ADCK1: variants seen among roughly 807,000 people sequenced by gnomAD.
ADCK1 encodes aarF domain-containing protein kinase 1.
A neutral mutation model predicts 52.3 loss-of-function variants in ADCK1; 41 were observed. That is an observed-to-expected ratio of 0.78 (90% CI 0.61 to 1.02). The LOEUF is 1.02. ADCK1 is among the 50% of genes least tolerant of loss of function. The pLI, the probability that ADCK1 is intolerant of heterozygous loss-of-function variation, is 0.00. For synonymous variants in ADCK1, 250 were observed against 274.6 expected, an observed-to-expected ratio of 0.91 and a Z score of 0.89; for missense variants, 658 against 679.5, an observed-to-expected ratio of 0.97 and a Z score of 0.35.
Position 77,907,937 on chromosome 14 carries a change from G to C in ADCK1, c.858+18G>C. The C allele has an allele frequency of 6.2e-7, 1 of 1,608,126 alleles. No homozygotes were observed. Among genetic ancestry groups the C allele is most frequent in the Non-Finnish European group, 8.5e-7 (1 of 1,175,036 alleles). On this transcript the variant is annotated intron_variant, in intron 7 of 10. Coordinates refer to ENST00000238561, the MANE Select transcript of ADCK1 (RefSeq NM_020421.4). Reference sequence around the variant, plus strand: ...TCAATGAGGTGAGGTCAAGAGCTCAGGGCTGCTGTGCCGGGGAACGTGGGC... The same window carrying C: ...TCAATGAGGTGAGGTCAAGAGCTCACGGCTGCTGTGCCGGGGAACGTGGGC...
chr14:77,857,940 A>G (rs1181269708), intron 3 of ADCK1, among the ~76,000 whole-genome samples: 2 of 152,182 alleles, frequency 1.3e-5, no homozygotes, highest in Non-Finnish European at 2.9e-5. Context: ...TTTAGCTCCT[A>G]GAAGGTAGGA....
intron 1 of ADCK1, among the ~76,000 whole-genome samples, chr14:77,817,909 G>GTA (rs1555347108): frequency 6.7e-6 from 1 of 148,600 alleles, no homozygotes; most frequent in African/African-American, 2.5e-5. Context: ...CTAATTTTTT[G>GTA]TTTTTTTTTT....
At chr14:77,919,289 C>T (rs2083995393) in intron 7 of ADCK1, among the ~76,000 whole-genome samples, 1 of 152,222 alleles carries the variant, frequency 6.6e-6, no homozygotes, top group Admixed American at 6.5e-5. Flanking sequence ...TATGCCTTTG[C>T]CTTTGTGTCC....
intron 3 of ADCK1, among the ~76,000 whole-genome samples, chr14:77,852,690 T>A (rs187967708): frequency 0.13 from 15,740 of 120,598 alleles, 1,606 homozygotes; most frequent in Middle Eastern, 0.2. Flanking sequence ...TATATATATA[T>A]ATATATATAT....
intron 3 of ADCK1, among the ~76,000 whole-genome samples, chr14:77,831,892 G>T (rs2081859630): frequency 6.6e-6 from 1 of 152,158 alleles, no homozygotes; most frequent in Non-Finnish European, 1.5e-5. Flanking sequence ...CTATTCCACT[G>T]CACTTGAGAA....
At chr14:77,862,018 G>C (rs528998353) in intron 4 of ADCK1, among the ~76,000 whole-genome samples, 4 of 152,318 alleles carry the variant, frequency 2.6e-5, no homozygotes, top group Admixed American at 2.6e-4. Context: ...AGGGAGGGCT[G>C]GTGACAAGCA....
At chr14:77,811,441 A>G (rs2081336604) in intron 1 of ADCK1, among the ~76,000 whole-genome samples, 1 of 152,164 alleles carries the variant, frequency 6.6e-6, no homozygotes, top group Non-Finnish European at 1.5e-5. Flanking sequence ...ATAAGTGGCC[A>G]TGCCAGGACT....
rs2081731350 is a variant in ADCK1, at chr14:77,827,231, A to G, written c.219+4713A>G. On this transcript the variant is annotated intron_variant, in intron 3 of 10. Transcript: ENST00000238561. Reference sequence around the variant, plus strand: ...GCTGGGCGTGGTGGTGGGCGCCTGTAGTCCCAGCTACTCGGGAGGCTGAGG... The same window carrying G: ...GCTGGGCGTGGTGGTGGGCGCCTGTGGTCCCAGCTACTCGGGAGGCTGAGG... 2.6e-5 allele frequency among the ~76,000 whole-genome samples: 4 copies of G among 151,344 alleles called. No individual in the cohort carries two copies. In the South Asian group the frequency reaches 8.4e-4, roughly 32 times the overall value.
intron 6 of ADCK1, 37 bp from the exon 7 acceptor site, chr14:77,907,766 T>C: frequency 1.3e-6 from 2 of 1,532,490 alleles, no homozygotes; most frequent in Non-Finnish European, 1.8e-6. Flanking sequence ...GATTCCCAGC[T>C]TCCCCAGACC....
Position 77,822,477 on chromosome 14 carries a change from G to A in ADCK1, c.178G>A (p.Val60Ile), listed in dbSNP as rs775567538. The change falls in exon 3 of 11, where the codon GTC becomes ATC. Residue 60 changes from valine (V) to isoleucine (I), a missense_variant. Coordinates refer to ENST00000238561, the MANE Select transcript of ADCK1 (RefSeq NM_020421.4). ...CGACTACCTCACTTCCCTGAAGAGT[G>A]TCCCTTATGGCTCAGAGGAGTACTT... ...SYDYLTSLKS[V>I]PYGSEEYLQL... 6 of 1,614,176 alleles carry A rather than the reference G, an allele frequency of 3.7e-6. No homozygotes were observed. The highest frequency in any genetic ancestry group is 3.3e-5 in the Admixed American group (2 of 60,012).
chr14:77,801,864 C>T (rs1385192412), intron 1 of ADCK1, among the ~76,000 whole-genome samples: 1 of 152,086 alleles, frequency 6.6e-6, no homozygotes, highest in African/African-American at 2.4e-5. Context: ...CAGCTTGAAC[C>T]CGGGAGACGG....
At chr14:77,863,183 G>C (rs2082588338) in intron 4 of ADCK1, among the ~76,000 whole-genome samples, 4 of 152,166 alleles carry the variant, frequency 2.6e-5, no homozygotes, top group Admixed American at 2.6e-4. Context: ...TGAGGGAGAG[G>C]AGGACTTGGG....
chr14:77,915,721 G>A (rs2083909239), intron 7 of ADCK1, among the ~76,000 whole-genome samples: 1 of 152,220 alleles, frequency 6.6e-6, no homozygotes, highest in Non-Finnish European at 1.5e-5. Flanking sequence ...TGTATGAGAT[G>A]AGTTCCTGGA....
At chr14:77,890,319 G>C (rs1288351388) in intron 5 of ADCK1, among the ~76,000 whole-genome samples, 1 of 152,200 alleles carries the variant, frequency 6.6e-6, no homozygotes, top group African/African-American at 2.4e-5. Context: ...CAGGGCCTTA[G>C]TTCCTCTCCA....
At chr14:77,873,464 T>C (rs1159569681) in intron 4 of ADCK1, among the ~76,000 whole-genome samples, 1 of 152,214 alleles carries the variant, frequency 6.6e-6, no homozygotes, top group Non-Finnish European at 1.5e-5. Context: ...TGCATAAGTG[T>C]GCGTGTGTGT....
intron 1 of ADCK1, among the ~76,000 whole-genome samples, chr14:77,813,841 C>T (rs568318199): frequency 6.6e-6 from 1 of 151,708 alleles, no homozygotes; most frequent in African/African-American, 2.4e-5. Flanking sequence ...GCAATCTCGG[C>T]TCACTGCAAC....
intron 3 of ADCK1, among the ~76,000 whole-genome samples, chr14:77,855,052 G>A (rs11626480): frequency 0.36 from 55,504 of 152,136 alleles, 11,276 homozygotes; most frequent in Admixed American, 0.5. Flanking sequence ...CCTTTCCTTC[G>A]CATGGAATAG....
intron 7 of ADCK1, among the ~76,000 whole-genome samples, chr14:77,909,839 T>C (rs2083753094): frequency 6.6e-6 from 1 of 152,180 alleles, no homozygotes; most frequent in Admixed American, 6.5e-5. Context: ...TGCCAGGCCC[T>C]TTTCTCCATA....
At chr14:77,874,016 A>G (rs1427192006) in intron 4 of ADCK1, among the ~76,000 whole-genome samples, 1 of 152,214 alleles carries the variant, frequency 6.6e-6, no homozygotes, top group African/African-American at 2.4e-5. Flanking sequence ...AGGAACTAAT[A>G]CCCAAGGTGA....
Sources: gnomAD v4.1 joint callset for allele counts (sites outside exome capture counted in the v4.1 genomes callset) on GRCh38, gnomAD v4.1.1 for gene constraint, MANE v1.5 for transcripts, NCBI Gene and HGNC (gene_info 2026-07-23, HGNC 2026-07-21) for gene names.